Variants in ZNF600 observed in about 807,000 individuals in gnomAD.
The protein encoded by ZNF600 is zinc finger protein 600.
ZNF600 carries 4 observed loss-of-function variants against 7.3 expected under a neutral mutation model. The ratio of observed to expected loss-of-function variants is 0.55; its 90% CI spans 0.27 to 1.25. The LOEUF (loss-of-function observed/expected upper bound fraction) is 1.25. Among genes scored for constraint, ZNF600 ranks in the 50% most tolerant of loss-of-function variants. The pLI is 0.12. For missense variants in ZNF600, 911 were observed against 922.1 expected (o/e 0.99, Z 0.16); for synonymous variants, 290 against 308.9 (o/e 0.94, Z 0.64).
At chr19:52,776,747 T>C (rs1252275397) in intron 2 of ZNF600, among the ~76,000 whole-genome samples, 1 of 152,126 alleles carries the variant, frequency 6.6e-6, no homozygotes, top group Non-Finnish European at 1.5e-5. Flanking sequence ...TTAAAATCAT[T>C]ACAATTATTA....
At chr19:52,765,111 A>G in exon 4 of ZNF600, 1 of 390,642 alleles carries the variant, frequency 2.6e-6, no homozygotes, top group Non-Finnish European at 5.1e-6. Context: ...ACTCAAGTCA[A>G]TGCTGGACTG....
At chr19:52,804,435 A>T in the ZNF600 span, among the ~76,000 whole-genome samples, 1 of 152,070 alleles carries the variant, frequency 6.6e-6, no homozygotes, top group Non-Finnish European at 1.5e-5. Flanking sequence ...GAGTAGCGTG[A>T]TCTTGGCGCA....
intron 2 of ZNF600, 33 bp downstream of exon 4, chr19:52,778,793 G>A: frequency 1.3e-6 from 2 of 1,584,086 alleles, no homozygotes; most frequent in South Asian, 2.3e-5. Context: ...AAAGGAAAGA[G>A]ACAGATTAAT....
intron 2 of ZNF600, among the ~76,000 whole-genome samples, chr19:52,775,330 T>A (rs1341487845): frequency 6.6e-6 from 1 of 152,044 alleles, no homozygotes; most frequent in East Asian, 1.9e-4. Context: ...GACGGGCAGA[T>A]AATGTGGTCA....
At chr19:52,817,467 A>G in the ZNF600 span, among the ~76,000 whole-genome samples, 2 of 152,208 alleles carry the variant, frequency 1.3e-5, no homozygotes, top group African/African-American at 4.8e-5. Context: ...AGTCAGAAAC[A>G]CAGGAACTCA....
At chr19:52,800,136 CTATG>C in the ZNF600 span, 1 of 1,613,732 alleles carries the variant, frequency 6.2e-7, no homozygotes. Context: ...ATGAATCCTC[CTATG>C]TCTTTCCATG....
intron 3 of ZNF600, among the ~76,000 whole-genome samples, chr19:52,772,508 AAGG>A (rs1467947693): frequency 6.6e-6 from 1 of 152,168 alleles, no homozygotes; most frequent in Admixed American, 6.5e-5. Flanking sequence ...GAGGCTGCAG[AAGG>A]AGAATCCCTT....
chr19:52,810,095 C>T, the ZNF600 span: 16 of 784,164 alleles, frequency 2.0e-5, no homozygotes, highest in African/African-American at 1.7e-4. Context: ...CAGGAGCCAC[C>T]GGCAGCCAAG....
chr19:52,779,565 G>C (rs568130947), intron 1 of ZNF600, among the ~76,000 whole-genome samples: 1 of 152,172 alleles, frequency 6.6e-6, no homozygotes, highest in Non-Finnish European at 1.5e-5. Context: ...ACGTGGACCA[G>C]AGGTGGGGTG....
At chr19:52,818,885 GAAAAA>G in the ZNF600 span, among the ~76,000 whole-genome samples, 69,509 of 114,096 alleles carry the variant, frequency 0.61, 22,996 homozygotes, top group Non-Finnish European at 0.72. Flanking sequence ...GTCTGTTTGG[GAAAAA>G]AAAAAAAAAA....
intron 2 of ZNF600, among the ~76,000 whole-genome samples, chr19:52,776,481 A>G (rs1268880598): frequency 1.3e-5 from 2 of 151,444 alleles, no homozygotes; most frequent in Non-Finnish European, 2.9e-5. Flanking sequence ...GCAGAATCTC[A>G]GCTCACTGCA....
At chr19:52,810,249 C>G in the ZNF600 span, 1 of 1,279,778 alleles carries the variant, frequency 7.8e-7, no homozygotes, top group Non-Finnish European at 1.1e-6. Context: ...GAGTCTACCT[C>G]CAGGCAATGC....
chr19:52,811,814 T>G, the ZNF600 span, among the ~76,000 whole-genome samples: 137 of 105,892 alleles, frequency 1.3e-3, no homozygotes, highest in Middle Eastern at 6.9e-3. Flanking sequence ...GGTGAGGGGC[T>G]CCTCTGCCCG....
the ZNF600 span, among the ~76,000 whole-genome samples, chr19:52,829,488 T>C: frequency 1.3e-5 from 2 of 151,664 alleles, no homozygotes; most frequent in African/African-American, 2.4e-5. Flanking sequence ...GATTCTCCTG[T>C]CTCAGCCTCC....
the ZNF600 span, among the ~76,000 whole-genome samples, chr19:52,812,756 GATCA>G: frequency 1.7e-5 from 1 of 59,470 alleles, no homozygotes; most frequent in African/African-American, 8.4e-5. Flanking sequence ...ACCCAAGAAT[GATCA>G]ATAAAAAAAA....
At chr19:52,777,695 T>A (rs908063335) in intron 2 of ZNF600, among the ~76,000 whole-genome samples, 15 of 151,668 alleles carry the variant, frequency 9.9e-5, no homozygotes, top group African/African-American at 3.6e-4. Context: ...CTGGGTGTGG[T>A]GGTGCATCCT....
chr19:52,800,201 C>T, the ZNF600 span: 2 of 1,613,226 alleles, frequency 1.2e-6, no homozygotes, highest in Non-Finnish European at 1.7e-6. Flanking sequence ...TGTACGGTTT[C>T]TCTGCAGTAT....
intron 3 of ZNF600, among the ~76,000 whole-genome samples, chr19:52,772,466 G>A (rs1017734754): frequency 3.3e-5 from 5 of 152,136 alleles, no homozygotes; most frequent in Admixed American, 6.6e-5. Context: ...AGCCAGGCGT[G>A]GTGGTGCATG....
At chr19:52,806,229 T>C in the ZNF600 span, among the ~76,000 whole-genome samples, 1 of 152,108 alleles carries the variant, frequency 6.6e-6, no homozygotes, top group South Asian at 2.1e-4. Context: ...AGTTTCACTC[T>C]GTCTCCCATG....
Sources: allele counts gnomAD v4.1 joint callset (sites outside exome capture counted in the v4.1 genomes callset), GRCh38; gene constraint gnomAD v4.1.1; transcripts MANE v1.5; gene names NCBI Gene and HGNC (gene_info 2026-07-23, HGNC 2026-07-21).